Variants in DOCK3 observed in about 807,000 individuals in gnomAD.
DOCK3 encodes dedicator of cytokinesis protein 3.
DOCK3 carries 60 observed loss-of-function variants against 265.6 expected under a neutral mutation model. The ratio of observed to expected loss-of-function variants is 0.23; its 90% CI spans 0.18 to 0.28. The LOEUF (loss-of-function observed/expected upper bound fraction) is 0.28, where lower values mean the gene tolerates loss of function less well. Among genes scored for constraint, DOCK3 ranks in the 10% least tolerant of loss-of-function variants. DOCK3 has a pLI of 1.00. For missense variants in DOCK3, 1,981 were observed against 2,594.3 expected (o/e 0.76, Z 5.14); for synonymous variants, 881 against 938.0 (o/e 0.94, Z 1.11).
intron 12 of DOCK3, among the ~76,000 whole-genome samples, chr3:51,166,924 T>C (rs1417589073): frequency 2.0e-5 from 3 of 152,218 alleles, no homozygotes; most frequent in African/African-American, 7.2e-5. Context: ...TGCCTTTTTG[T>C]TTTGTTGATT....
At position 50,958,324 on chromosome 3, in the gene DOCK3, T is replaced by G. The variant is rs954275398; in HGVS notation, c.315+24247T>G. 2.0e-5 allele frequency among the ~76,000 whole-genome samples: 3 copies of G among 152,212 alleles called. No homozygotes were observed. In the South Asian group the frequency reaches 6.2e-4, roughly 32 times the overall value. On this transcript the variant is annotated intron_variant, in intron 5 of 52. Transcript: ENST00000266037. ...CAGTCTTGCAGTTTCGCAAAAATTA[T>G]GATTTCCAAAGTATGATGAGCCAAA...
intron 5 of DOCK3, among the ~76,000 whole-genome samples, chr3:51,041,183 TATATATATATATATATATATA>T (rs1179711261): frequency 1.2e-3 from 17 of 14,034 alleles, no homozygotes; most frequent in East Asian, 4.3e-3. Context: ...TATATATATA[TATATATATATATATATATATA>T]TTTTTTTTTT....
chr3:51,044,861 G>A (rs533345441), intron 5 of DOCK3, among the ~76,000 whole-genome samples: 9 of 151,998 alleles, frequency 5.9e-5, no homozygotes, highest in South Asian at 2.1e-4. Context: ...ACCTCTCTTC[G>A]CATTCATAGA....
intron 4 of DOCK3, among the ~76,000 whole-genome samples, chr3:50,927,094 G>A (rs1402341622): frequency 6.6e-6 from 1 of 152,146 alleles, no homozygotes; most frequent in Admixed American, 6.5e-5. Context: ...CTTTTATTCA[G>A]TCATTTCAGG....
chr3:51,146,262 A>G (rs1211968120), intron 9 of DOCK3, among the ~76,000 whole-genome samples: 1 of 152,212 alleles, frequency 6.6e-6, no homozygotes, highest in Non-Finnish European at 1.5e-5. Flanking sequence ...AATATAAGAT[A>G]CAGTACTCCT....
At chr3:50,757,225 C>CA (rs2040216700) in intron 1 of DOCK3, among the ~76,000 whole-genome samples, 3 of 121,356 alleles carry the variant, frequency 2.5e-5, no homozygotes, top group Non-Finnish European at 4.8e-5. Flanking sequence ...GGCTGGAGTG[C>CA]AATGGTGTGA....
intron 8 of DOCK3, 46 bp downstream of exon 8, chr3:51,089,330 C>G (rs921004916): frequency 3.4e-5 from 54 of 1,582,448 alleles, no homozygotes; most frequent in Non-Finnish European, 4.1e-5. Flanking sequence ...TCAACTTTTT[C>G]TGTTAAGAGA....
At chr3:50,706,054 T>C (rs1349566996) in intron 1 of DOCK3, among the ~76,000 whole-genome samples, 1 of 151,942 alleles carries the variant, frequency 6.6e-6, no homozygotes, top group Non-Finnish European at 1.5e-5. Flanking sequence ...GTGGCAGTTT[T>C]CTCCTGTACG....
chr3:51,121,963 T>C (rs1193576862), intron 9 of DOCK3, among the ~76,000 whole-genome samples: 1 of 152,172 alleles, frequency 6.6e-6, no homozygotes, highest in Non-Finnish European at 1.5e-5. Context: ...AATCAGAAGC[T>C]TTTAAGAGGA....
chr3:50,945,236 G>C (rs2076396102), intron 5 of DOCK3, among the ~76,000 whole-genome samples: 1 of 152,070 alleles, frequency 6.6e-6, no homozygotes, highest in East Asian at 1.9e-4. Context: ...TACTACTGTA[G>C]GGTGACAATA....
At chr3:51,266,155 A>C (rs2108819890) in intron 23 of DOCK3, among the ~76,000 whole-genome samples, 1 of 152,292 alleles carries the variant, frequency 6.6e-6, no homozygotes, top group Middle Eastern at 3.4e-3. Context: ...AGAACTACAA[A>C]CCACTGCTCA....
In DOCK3 at chr3:51,253,345, C is replaced by T. The variant is rs9866745; in HGVS notation, c.2184+6538C>T. 3.8e-3 allele frequency among the ~76,000 whole-genome samples: 579 copies of T among 152,172 alleles called. 4 individuals carry two copies. The highest frequency in any genetic ancestry group is 0.013 in the African/African-American group (543 of 41,512). On this transcript the variant is annotated intron_variant, in intron 22 of 52. Transcript: ENST00000266037. ...TTCTCTTTTTTTTGTTGTGTCTCTG[C>T]CAGGCTTTGGTATCAGGATGATGCT...
At chr3:50,948,794 A>C (rs2076512732) in intron 5 of DOCK3, among the ~76,000 whole-genome samples, 1 of 152,118 alleles carries the variant, frequency 6.6e-6, no homozygotes, top group Non-Finnish European at 1.5e-5. Context: ...AGTTGACTCT[A>C]AAATGTGTAT....
intron 5 of DOCK3, among the ~76,000 whole-genome samples, chr3:51,022,523 A>G (rs951718551): frequency 6.6e-6 from 1 of 152,174 alleles, no homozygotes; most frequent in Non-Finnish European, 1.5e-5. Flanking sequence ...TGTTAGATAC[A>G]TGGAACATAC....
At chr3:50,787,000 G>A in intron 2 of DOCK3, 1 of 742,190 alleles carries the variant, frequency 1.3e-6, no homozygotes, top group South Asian at 1.4e-5. Flanking sequence ...CATGAGCCAT[G>A]GCATAGAATT....
intron 19 of DOCK3, 38 bp from the exon 20 acceptor site, chr3:51,236,307 C>T: frequency 6.6e-7 from 1 of 1,506,188 alleles, no homozygotes; most frequent in Non-Finnish European, 9.2e-7. Context: ...CGTGTAAGGT[C>T]CTGAGACCTG....
rs373461836 is a variant in DOCK3, at chr3:51,090,289, C to T, written c.651C>T (p.Phe217=). Residue 217 remains phenylalanine (F), a synonymous_variant, in exon 9 of 53, where the codon TTC becomes TTT. Coordinates refer to ENST00000266037, the MANE Select transcript of DOCK3 (RefSeq NM_004947.5). ...GTCGGATGCCAGTGCCACATCACTT[C>T]TTCCTCAGCCTGAAGAGTTTCACTT... is the stretch of plus-strand genomic sequence containing the variant. The part of the protein sequence containing the change: ...ETCRMPVPHH[F]FLSLKSFTYN... 2 of 1,600,020 alleles carry T rather than the reference C, an allele frequency of 1.2e-6. No individual in the cohort carries two copies. Among genetic ancestry groups the T allele is most frequent in the African/African-American group, 2.7e-5 (2 of 74,808 alleles).
intron 1 of DOCK3, among the ~76,000 whole-genome samples, chr3:50,712,657 A>G (rs2036848181): frequency 6.6e-6 from 1 of 152,136 alleles, no homozygotes; most frequent in African/African-American, 2.4e-5. Flanking sequence ...AAGATTTGAC[A>G]GGTGGTAGTC....
intron 23 of DOCK3, among the ~76,000 whole-genome samples, chr3:51,268,537 C>A (rs1052616386): frequency 2.0e-5 from 3 of 152,192 alleles, no homozygotes; most frequent in Non-Finnish European, 4.4e-5. Flanking sequence ...CAGACAGCCT[C>A]TCTCATGTCC....
Sources: allele counts gnomAD v4.1 joint callset (sites outside exome capture counted in the v4.1 genomes callset), GRCh38; gene constraint gnomAD v4.1.1; transcripts MANE v1.5; gene names NCBI Gene and HGNC (gene_info 2026-07-23, HGNC 2026-07-21).